The following ULK4 variants were observed in gnomAD, a reference collection of about 807,000 sequenced individuals.
ULK4 encodes inactive serine/threonine-protein kinase ULK4.
Under a neutral mutation model 160.6 loss-of-function variants are expected in ULK4, and 133 were observed. The ratio of observed to expected loss-of-function variants is 0.83; its 90% CI spans 0.72 to 0.96. The LOEUF (loss-of-function observed/expected upper bound fraction) is 0.96, where lower values mean the gene tolerates loss of function less well. Ranked by LOEUF, ULK4 falls within the 40% of genes least tolerant of loss-of-function variation. ULK4 has a pLI of 0.00. For missense variants in ULK4, 1,580 were observed against 1,499.5 expected, an observed-to-expected ratio of 1.05 and a Z score of -0.89; for synonymous variants, 534 against 539.8, an observed-to-expected ratio of 0.99 and a Z score of 0.15.
At chr3:41,651,066 A>G (rs2034722173) in intron 30 of ULK4, among the ~76,000 whole-genome samples, 1 of 151,876 alleles carries the variant, frequency 6.6e-6, no homozygotes, top group Admixed American at 6.6e-5. Context: ...CTCCTCCTCA[A>G]TCCACTGCAC....
chr3:41,823,221 T>G (rs2041208915), intron 18 of ULK4, among the ~76,000 whole-genome samples: 2 of 152,020 alleles, frequency 1.3e-5, no homozygotes, highest in South Asian at 2.1e-4. Context: ...AAGAAAATAT[T>G]AGAAGCAGGA....
chr3:41,484,694 C>T (rs992839709), intron 32 of ULK4, among the ~76,000 whole-genome samples: 47 of 152,048 alleles, frequency 3.1e-4, no homozygotes, highest in African/African-American at 7.0e-4. Context: ...CCTTATGATC[C>T]GCCCACCTTG....
intron 34 of ULK4, among the ~76,000 whole-genome samples, chr3:41,420,850 G>A (rs989162126): frequency 1.3e-5 from 2 of 150,512 alleles, no homozygotes; most frequent in Non-Finnish European, 3.0e-5. Context: ...GCGGTGGCTT[G>A]CACCTGTAAT....
chr3:41,535,940 T>C (rs1007118294), intron 32 of ULK4, among the ~76,000 whole-genome samples: 2 of 152,170 alleles, frequency 1.3e-5, no homozygotes, highest in African/African-American at 4.8e-5. Context: ...TCCTTAGCCT[T>C]AAGACCATCT....
At chr3:41,322,143 TGCCTCA>T (rs1470844595) in intron 35 of ULK4, among the ~76,000 whole-genome samples, 2 of 144,404 alleles carry the variant, frequency 1.4e-5, no homozygotes, top group Non-Finnish European at 3.0e-5. Context: ...GCAGTTGTTG[TGCCTCA>T]GCCTCCTGAG....
intron 35 of ULK4, among the ~76,000 whole-genome samples, chr3:41,259,148 CTT>C (rs1421638843): frequency 2.0e-5 from 3 of 151,094 alleles, no homozygotes; most frequent in Admixed American, 1.3e-4. Context: ...AGATAACACA[CTT>C]GGGATAAATA....
intron 35 of ULK4, among the ~76,000 whole-genome samples, chr3:41,358,369 TAAAC>T (rs767417347): frequency 5.3e-5 from 8 of 151,904 alleles, no homozygotes; most frequent in Non-Finnish European, 1.0e-4. Context: ...CAACAGAAAA[TAAAC>T]AAGCAAATAG....
chr3:41,646,679 G>C (rs2034508677), intron 30 of ULK4, among the ~76,000 whole-genome samples: 2 of 152,072 alleles, frequency 1.3e-5, no homozygotes, highest in African/African-American at 4.8e-5. Flanking sequence ...TCTTGGAGTT[G>C]CTCTTCTCAA....
chr3:41,374,541 T>C (rs1413554547), intron 35 of ULK4, among the ~76,000 whole-genome samples: 9 of 152,122 alleles, frequency 5.9e-5, no homozygotes, highest in Non-Finnish European at 1.2e-4. Flanking sequence ...AAAAAACACA[T>C]GATTATCTCA....
chr3:41,486,818 T>C (rs558819128), intron 32 of ULK4, among the ~76,000 whole-genome samples: 7 of 152,262 alleles, frequency 4.6e-5, no homozygotes, highest in South Asian at 2.1e-4. Context: ...CATTGACCAT[T>C]TGTATACACA....
At chr3:41,697,507 G>A (rs2036540150) in intron 27 of ULK4, among the ~76,000 whole-genome samples, 1 of 152,172 alleles carries the variant, frequency 6.6e-6, no homozygotes, top group East Asian at 1.9e-4. Context: ...GTTTTAAAAT[G>A]AGTGTCATTA....
chr3:41,481,199 G>A (rs1267135003), intron 32 of ULK4, among the ~76,000 whole-genome samples: 1 of 152,268 alleles, frequency 6.6e-6, no homozygotes, highest in East Asian at 1.9e-4. Flanking sequence ...CCCCCACATT[G>A]TTCAGGGGTC....
chr3:41,375,318 T>G (rs1035075085), intron 35 of ULK4, among the ~76,000 whole-genome samples: 6 of 152,038 alleles, frequency 3.9e-5, no homozygotes, highest in East Asian at 1.9e-4. Flanking sequence ...AGAGTCTGTA[T>G]AGCCAAGACA....
At chr3:41,429,731 GC>G (rs2082860237) in intron 34 of ULK4, among the ~76,000 whole-genome samples, 1 of 151,868 alleles carries the variant, frequency 6.6e-6, no homozygotes, top group South Asian at 2.1e-4. Flanking sequence ...ACATACTGGG[GC>G]CTGTCGGTGG....
intron 18 of ULK4, among the ~76,000 whole-genome samples, chr3:41,824,357 C>G (rs1205469578): frequency 1.3e-5 from 2 of 151,906 alleles, no homozygotes; most frequent in Non-Finnish European, 2.9e-5. Context: ...TAAGACAAAG[C>G]AGGGTGAGGC....
intron 17 of ULK4, chr3:41,859,493 C>A: frequency 3.6e-6 from 2 of 548,364 alleles, no homozygotes; most frequent in Non-Finnish European, 3.7e-6. Context: ...ATGATAACTT[C>A]CCAGTAAGGA....
At chr3:41,874,313 G>A (rs1266979080) in intron 17 of ULK4, among the ~76,000 whole-genome samples, 4 of 152,104 alleles carry the variant, frequency 2.6e-5, no homozygotes, top group African/African-American at 7.2e-5. Flanking sequence ...CATACACTAC[G>A]TTTAGAGTTT....
rs139918089 is a variant in ULK4, at chr3:41,950,857, T to C, written c.138+3765A>G. Among the ~76,000 whole-genome samples, 1,033 of 151,746 alleles carry C rather than the reference T, an allele frequency of 6.8e-3. 9 individuals are homozygous for C. Among genetic ancestry groups the C allele is most frequent in the African/African-American group, 0.024 (997 of 41,384 alleles). ...TTCTGAAAGAAATTTTTAAAAGACATAAATAGGCTGGGCACGGTGGCTCAC... is the reference window on the plus strand; with the variant it reads ...TTCTGAAAGAAATTTTTAAAAGACACAAATAGGCTGGGCACGGTGGCTCAC... On this transcript the variant is annotated intron_variant, in intron 2 of 36. Coordinates refer to ENST00000301831, the MANE Select transcript of ULK4 (RefSeq NM_017886.4).
chr3:41,870,037 TG>T (rs1326840380), intron 17 of ULK4, among the ~76,000 whole-genome samples: 7 of 152,344 alleles, frequency 4.6e-5, no homozygotes, highest in Non-Finnish European at 2.9e-5. Flanking sequence ...CACTGTCTAA[TG>T]GCATCTATGG....
Sources: gnomAD v4.1 joint callset for allele counts (sites outside exome capture counted in the v4.1 genomes callset) on GRCh38, gnomAD v4.1.1 for gene constraint, MANE v1.5 for transcripts, NCBI Gene and HGNC (gene_info 2026-07-23, HGNC 2026-07-21) for gene names.